The following PTPRN2 variants were observed in gnomAD, a reference collection of about 807,000 sequenced individuals.
PTPRN2 encodes protein tyrosine phosphatase receptor type N2, also known as receptor-type tyrosine-protein phosphatase N2.
PTPRN2 carries 74 observed loss-of-function variants against 118.8 expected under a neutral mutation model. The observed-to-expected ratio is 0.62, with a 90% confidence interval of 0.52 to 0.76. PTPRN2 has a LOEUF of 0.76. Among genes scored for constraint, PTPRN2 ranks in the 30% least tolerant of loss-of-function variants. PTPRN2 has a pLI of 0.00. For synonymous variants in PTPRN2, 641 were observed against 608.0 expected, an observed-to-expected ratio of 1.05 and a Z score of -0.80; for missense variants, 1,481 against 1,394.4, an observed-to-expected ratio of 1.06 and a Z score of -0.99.
chr7:158,128,102 C>T (rs1438840240), intron 9 of PTPRN2, among the ~76,000 whole-genome samples: 5 of 152,148 alleles, frequency 3.3e-5, no homozygotes, highest in African/African-American at 1.2e-4. Flanking sequence ...TTCTGTGGGA[C>T]AACCAAATGT....
At chr7:158,138,955 GCCC>G (rs1362355622) in intron 6 of PTPRN2, among the ~76,000 whole-genome samples, 5 of 134,930 alleles carry the variant, frequency 3.7e-5, no homozygotes, top group African/African-American at 1.9e-4. Context: ...AGGACACCCT[GCCC>G]AGCACACCCT....
intron 5 of PTPRN2, among the ~76,000 whole-genome samples, chr7:158,175,657 G>A (rs1216364835): frequency 9.2e-5 from 14 of 152,236 alleles, no homozygotes; most frequent in South Asian, 4.1e-4. Context: ...TCACACGAGC[G>A]TATACGGTGC....
rs189265623 is a variant in PTPRN2, at chr7:158,315,519, C to T, written c.277+1300G>A. Reference sequence around the variant, plus strand: ...ACGCCCTCAAGGACAGAGGTGAACCCGGGACCCCTGAAGGACAGAGGTGAA... The same window carrying T: ...ACGCCCTCAAGGACAGAGGTGAACCTGGGACCCCTGAAGGACAGAGGTGAA... On this transcript the variant is annotated intron_variant, in intron 3 of 22. Transcript: ENST00000389418. Among the ~76,000 whole-genome samples, 655 of 142,294 alleles carry T rather than the reference C, an allele frequency of 4.6e-3. 17 individuals carry two copies. Among genetic ancestry groups the T allele is most frequent in the African/African-American group, 0.016 (591 of 37,140 alleles). The allele number at this position is 142,294 out of a possible 152,430, so 93.4% of individuals were successfully genotyped here.
At chr7:157,715,384 AG>A (rs1348590531) in intron 12 of PTPRN2, among the ~76,000 whole-genome samples, 1 of 152,206 alleles carries the variant, frequency 6.6e-6, no homozygotes, top group Non-Finnish European at 1.5e-5. Context: ...AAGGAAGAAG[AG>A]GAAAACAGAA....
At chr7:158,319,868 G>C (rs1586244897) in intron 2 of PTPRN2, among the ~76,000 whole-genome samples, 1 of 3,626 alleles carries the variant, frequency 2.8e-4, no homozygotes, top group African/African-American at 1.2e-3. Context: ...CACACACACA[G>C]CCTCCCTCGT....
rs57480594 is a variant in PTPRN2, at chr7:157,787,849, T to A, written c.1789-104912A>T. Among the ~76,000 whole-genome samples, 6,501 of 152,192 alleles carry A rather than the reference T, an allele frequency of 0.043. 457 individuals are homozygous for A. The highest frequency in any genetic ancestry group is 0.15 in the African/African-American group (6,097 of 41,512). ...GGGCTGGGGTGGGCTGTTCCCCTCT[T>A]GGCATCTCCCTCACACCTCTGCACC... On this transcript the variant is annotated intron_variant, in intron 12 of 22. Coordinates refer to ENST00000389418, the MANE Select transcript of PTPRN2 (RefSeq NM_002847.5). The surrounding 1 kb of genome is among the most constrained non-coding windows in gnomAD (Gnocchi z 5.3).
chr7:158,120,110 A>C (rs1057388782), intron 9 of PTPRN2, among the ~76,000 whole-genome samples: 1 of 152,176 alleles, frequency 6.6e-6, no homozygotes, highest in Non-Finnish European at 1.5e-5. Context: ...AAAAGGACAA[A>C]TTCTGTGTGT....
At chr7:158,393,651 T>C (rs1005228933) in intron 2 of PTPRN2, among the ~76,000 whole-genome samples, 1 of 152,208 alleles carries the variant, frequency 6.6e-6, no homozygotes, top group Non-Finnish European at 1.5e-5. Context: ...TCAGAGTTTC[T>C]AGCTTTTCAC....
chr7:158,092,389 A>G (rs1435974826), intron 10 of PTPRN2, among the ~76,000 whole-genome samples: 3 of 150,970 alleles, frequency 2.0e-5, no homozygotes, highest in African/African-American at 7.3e-5. Flanking sequence ...GAGGTGGATA[A>G]GTGGATAGAT....
At chr7:158,070,384 G>C (rs1468110371) in intron 11 of PTPRN2, among the ~76,000 whole-genome samples, 5 of 144,682 alleles carry the variant, frequency 3.5e-5, no homozygotes, top group Non-Finnish European at 7.6e-5. Context: ...TGCCCGTGGT[G>C]GTGGAGGTGC....
In PTPRN2 at chr7:157,871,095, C is replaced by A. The variant is rs115493298; in HGVS notation, c.1788+27578G>T. Among the ~76,000 whole-genome samples, 1,438 of 152,262 alleles carry A rather than the reference C, an allele frequency of 9.4e-3. 26 individuals are homozygous for A. Among genetic ancestry groups the A allele is most frequent in the African/African-American group, 0.034 (1,393 of 41,552 alleles). On this transcript the variant is annotated intron_variant, in intron 12 of 22. Transcript: ENST00000389418. ...CCTCAGGGCTGCCTGGACTTCCTTA[C>A]GAAGAAGCTGGCTCCCAGAGCTTCC...
Position 157,988,765 on chromosome 7 carries a change from C to T in PTPRN2, c.1724-90028G>A, listed in dbSNP as rs1227220039. ...CTACAAGAAAGGGGTTGTTTCCTGG[C>T]CCCCAGTGGGGTGCAGAATGTCAGT... On this transcript the variant is annotated intron_variant, in intron 11 of 22. Transcript: ENST00000389418. 2.0e-5 allele frequency among the ~76,000 whole-genome samples: 3 copies of T among 152,320 alleles called. No individual in the cohort carries two copies. In the East Asian group the frequency reaches 5.8e-4, roughly 29 times the overall value.
At chr7:158,468,889 C>CAGG (rs1819579494) in intron 2 of PTPRN2, among the ~76,000 whole-genome samples, 4 of 150,322 alleles carry the variant, frequency 2.7e-5, no homozygotes, top group East Asian at 2.0e-4. Context: ...ACACACACTC[C>CAGG]TGGTCAATCA....
rs1371077827 is a variant in PTPRN2, at chr7:158,052,574, G to A, written c.1723+28724C>T. On this transcript the variant is annotated intron_variant, in intron 11 of 22. Transcript: ENST00000389418. ...TGCCTCGTGGGGGCCGTGGAGGGGC[G>A]CCCTTCGGACCTCCTGGAGAGGGTA... Among the ~76,000 whole-genome samples, 9 of 152,164 alleles carry A rather than the reference G, an allele frequency of 5.9e-5. No individual in the cohort carries two copies. In the East Asian group the frequency reaches 1.2e-3, roughly 20 times the overall value.
chr7:158,261,690 G>T lies in PTPRN2; in HGVS notation c.277+55129C>A, dbSNP rs544240927. ...CGCAGGCTCCCCCCAGCACACATGG[G>T]TCCCTGTCTGGGCATGCACACCGCC... is the stretch of plus-strand genomic sequence containing the variant. On this transcript the variant is annotated intron_variant, in intron 3 of 22. Transcript: ENST00000389418. Among the ~76,000 whole-genome samples the T allele has an allele frequency of 2.0e-5, 3 of 152,266 alleles. No homozygotes were observed. The East Asian group carries it at 5.8e-4, about 29-fold the overall frequency.
intron 12 of PTPRN2, among the ~76,000 whole-genome samples, chr7:157,738,766 G>A (rs932938281): frequency 3.3e-5 from 5 of 152,008 alleles, no homozygotes; most frequent in African/African-American, 4.8e-5. Flanking sequence ...TTCTGGACAC[G>A]TGTTTTAGGG....
At chr7:158,164,861 A>C (rs1423242615) in intron 6 of PTPRN2, among the ~76,000 whole-genome samples, 1 of 152,156 alleles carries the variant, frequency 6.6e-6, no homozygotes, top group Non-Finnish European at 1.5e-5. Flanking sequence ...TGAGATGAGA[A>C]GCTGAAGGTC....
chr7:157,980,475 G>A (rs1188617145), intron 11 of PTPRN2, among the ~76,000 whole-genome samples: 2 of 152,206 alleles, frequency 1.3e-5, no homozygotes, highest in Non-Finnish European at 2.9e-5. Flanking sequence ...TGATTGGCCG[G>A]GCACGGTGGC....
At chr7:158,092,063 TAG>T (rs1289006257) in intron 10 of PTPRN2, among the ~76,000 whole-genome samples, 7 of 139,344 alleles carry the variant, frequency 5.0e-5, no homozygotes, top group Non-Finnish European at 9.4e-5. Flanking sequence ...GATGGATAGG[TAG>T]AGAGATGGTT....
Sources: gnomAD v4.1 joint callset for allele counts (sites outside exome capture counted in the v4.1 genomes callset) on GRCh38, gnomAD v4.1.1 for gene constraint, Gnocchi (gnomAD v3.1) non-coding constraint, MANE v1.5 for transcripts, NCBI Gene and HGNC (gene_info 2026-07-23, HGNC 2026-07-21) for gene names.